Variants in CDSN observed in about 807,000 individuals in gnomAD.
The protein encoded by CDSN is S protein.
In CDSN, 11 loss-of-function variants were observed where a neutral mutation model predicts 25.6. That is an observed-to-expected ratio of 0.43 (90% confidence interval 0.27 to 0.71). CDSN has a LOEUF of 0.71. CDSN is among the 30% of genes least tolerant of loss of function. The pLI, the probability that CDSN is intolerant of heterozygous loss-of-function variation, is 0.20. For synonymous variants in CDSN, 266 were observed against 267.4 expected, an observed-to-expected ratio of 0.99 and a Z score of 0.05; for missense variants, 598 against 670.9, an observed-to-expected ratio of 0.89 and a Z score of 1.20.
In CDSN at chr6:31,120,391, C is replaced by G; in HGVS notation, c.29G>C (p.Gly10Ala). ...CATCATCCCGTGCCCACCCACACGC[C>G]CCATCCAGGGTGCCCGAGACGAGCC... MGSSRAPWM[G>A]RVGGHGMMAL... Residue 10 changes from glycine (G) to alanine (A), a missense_variant, in exon 1 of 2, where the codon GGG (glycine) becomes GCG (alanine). By Grantham distance (60) the Gly-to-Ala change is moderately conservative (BLOSUM62 0). Transcript: ENST00000376288. 6.3e-7 allele frequency: 1 copy of G among 1,593,668 alleles called. No homozygotes were observed. Among genetic ancestry groups the G allele is most frequent in the Non-Finnish European group, 8.5e-7 (1 of 1,170,816 alleles).
intron 1 of CDSN, chr6:31,118,925 C>G (rs1413181951): frequency 6.9e-6 from 1 of 145,036 alleles, no homozygotes; most frequent in Non-Finnish European, 1.5e-5. Context: ...TCACTGTAAC[C>G]TCTGCCTCCT....
At chr6:31,120,049 AC>A (rs1772372813) in intron 1 of CDSN, among the ~76,000 whole-genome samples, 1 of 152,214 alleles carries the variant, frequency 6.6e-6, no homozygotes, top group Non-Finnish European at 1.5e-5. Flanking sequence ...AATAAAAATC[AC>A]CACCACCATT....
chr6:31,116,067 A>C lies in CDSN; in HGVS notation c.1548T>G (p.Pro516=). Residue 516 remains proline (P), a synonymous_variant, in exon 2 of 2, where the codon CCT becomes CCG. Transcript: ENST00000376288. The part of the protein sequence containing the change: ...VKPLGPQLAD[P]EVFLPQGELL... ...ACTCTCCTTGGGGTAGGAAAACTTCAGGGTCAGCTAGCTGGGGCCCCAGAG... is the reference window on the plus strand; with the variant it reads ...ACTCTCCTTGGGGTAGGAAAACTTCCGGGTCAGCTAGCTGGGGCCCCAGAG... 1 of 1,612,098 alleles carries C rather than the reference A, an allele frequency of 6.2e-7. No homozygotes were observed. Among genetic ancestry groups the C allele is most frequent in the Non-Finnish European group, 8.5e-7 (1 of 1,179,804 alleles).
chr6:31,118,840 C>CTTTT (rs199861968), intron 1 of CDSN: 7 of 124,922 alleles, frequency 5.6e-5, no homozygotes, highest in Admixed American at 9.0e-5. Flanking sequence ...TTTTCTTCTT[C>CTTTT]TTCTTTTTTT....
At chr6:31,119,980 G>C (rs910960303) in intron 1 of CDSN, among the ~76,000 whole-genome samples, 17 of 152,010 alleles carry the variant, frequency 1.1e-4, no homozygotes, top group African/African-American at 1.9e-4. Context: ...ATATAAAAAG[G>C]CTCTAAAAAT....
In CDSN at chr6:31,117,176, G is replaced by A. The variant is rs755986034; in HGVS notation, c.439C>T (p.His147Tyr). ...SSSHSGNSGS[H>Y]SGSSSSHSSS... Reference sequence around the variant, plus strand: ...GAATGAGAGCTGCTGCTTCCCGAGTGAGAGCCGCTGTTTCCCGAGTGAGAG... The same window carrying A: ...GAATGAGAGCTGCTGCTTCCCGAGTAAGAGCCGCTGTTTCCCGAGTGAGAG... Residue 147 changes from histidine to tyrosine, a missense_variant, in exon 2 of 2, where the codon CAC becomes TAC. Transcript: ENST00000376288. 3 of 1,612,022 alleles carry A rather than the reference G, an allele frequency of 1.9e-6. No individual in the cohort carries two copies. Among genetic ancestry groups the A allele is most frequent in the Non-Finnish European group, 1.7e-6 (2 of 1,178,404 alleles).
Position 31,115,869 on chromosome 6 carries a change from C to A in CDSN, c.*156G>T. ...GGAGGAAGGGGTGATAAGAGAGAGT[C>A]TGCAACCTTGGGGTAGTGGAGAAAG... On this transcript the variant is annotated 3_prime_UTR_variant, in exon 2 of 2. Coordinates refer to ENST00000376288, the MANE Select transcript of CDSN (RefSeq NM_001264.5). The surrounding 1 kb of genome is among the most constrained non-coding windows in gnomAD (Gnocchi z 4.2). 1.5e-6 allele frequency: 1 copy of A among 647,644 alleles called. No individual in the cohort carries two copies. Among genetic ancestry groups the A allele is most frequent in the Non-Finnish European group, 2.8e-6 (1 of 362,332 alleles). The allele number at this position is 647,644 out of a possible 1,614,324, so 40.1% of individuals were successfully genotyped here. A position where few individuals can be genotyped will look rare whatever the true frequency, so the allele number is the denominator to read the frequency against.
rs909057443 is a variant in CDSN, at chr6:31,116,369, C to T, written c.1246G>A (p.Gly416Ser). 8.1e-6 allele frequency: 13 copies of T among 1,609,930 alleles called. No homozygotes were observed. The highest frequency in any genetic ancestry group is 2.7e-5 in the African/African-American group (2 of 74,780). The change falls in exon 2 of 2, where the codon GGC becomes AGC. Residue 416 changes from glycine (G) to serine (S), a missense_variant. Transcript: ENST00000376288. ...SSSGLPYHPC[G>S]SASQSPCSPP... is the part of the protein sequence containing the mutation. ...GAGCAGGGGCTCTGGGAAGCACTGCCGCAGGGATGGTAGGGTAAACCGGAG... is the reference window on the plus strand; with the variant it reads ...GAGCAGGGGCTCTGGGAAGCACTGCTGCAGGGATGGTAGGGTAAACCGGAG...
chr6:31,117,957 T>A lies in CDSN; in HGVS notation c.86-428A>T, dbSNP rs28360043. 1,494 of 179,840 alleles carry A rather than the reference T, an allele frequency of 8.3e-3. 15 individuals are homozygous for A. Among genetic ancestry groups the A allele is most frequent in the East Asian group, 0.024 (161 of 6,830 alleles). The allele number at this position is 179,840 out of a possible 1,614,324, so 11.1% of individuals were successfully genotyped here. A position where few individuals can be genotyped will look rare whatever the true frequency, so the allele number is the denominator to read the frequency against. On this transcript the variant is annotated intron_variant, in intron 1 of 1. Transcript: ENST00000376288. ...TTTGTTTTTTAATTAAAATTTTTTT[T>A]AAAAAGAAGAGGGAATGGAGAAGGG...
chr6:31,117,151 G>A lies in CDSN; in HGVS notation c.464C>T (p.Ser155Leu), dbSNP rs201863437. The change falls in exon 2 of 2, where the codon TCG becomes TTG. Residue 155 changes from serine to leucine, a missense_variant. Transcript: ENST00000376288. ...GSHSGSSSSH[S>L]SSSSSFQFSS... ...GAACTGAAAGCTGCTGCTGCTGCTC[G>A]AATGAGAGCTGCTGCTTCCCGAGTG... 32 of 1,607,120 alleles carry A rather than the reference G, an allele frequency of 2.0e-5. No individual in the cohort carries two copies. Among genetic ancestry groups the A allele is most frequent in the Middle Eastern group, 1.6e-4 (1 of 6,080 alleles).
intron 1 of CDSN, 128 bp from the exon 2 acceptor site, chr6:31,117,657 G>A: frequency 1.3e-6 from 1 of 768,684 alleles, no homozygotes; most frequent in Non-Finnish European, 2.2e-6. Flanking sequence ...TTTAGGGATG[G>A]AGAAAGGAGG....
Position 31,116,099 on chromosome 6 carries a change from C to T in CDSN, c.1516G>A (p.Val506Met), listed in dbSNP as rs140801967. 4.1e-5 allele frequency: 66 copies of T among 1,611,934 alleles called. No individual in the cohort carries two copies. In the African/African-American group the frequency reaches 6.9e-4, roughly 17 times the overall value. ...GCTAGCTGGGGCCCCAGAGGCTTCA[C>T]TTGGGCTAGGATATCCCGGATGGAG... ...CRSIRDILAQ[V>M]KPLGPQLADP... The change falls in exon 2 of 2, where the codon GTG becomes ATG. Residue 506 changes from valine (V) to methionine (M), a missense_variant. By Grantham distance (21) the Val-to-Met change is conservative (BLOSUM62 1). Transcript: ENST00000376288.
Position 31,116,383 on chromosome 6 carries a change from G to A in CDSN, c.1232C>T (p.Pro411Leu), listed in dbSNP as rs1772122140. Residue 411 changes from proline to leucine, a missense_variant, in exon 2 of 2, where the codon CCC becomes CTC. Pro to Leu is a moderately conservative substitution (Grantham distance 98). Transcript: ENST00000376288. ...GGAAGCACTGCCGCAGGGATGGTAG[G>A]GTAAACCGGAGCTGCTGGAAATGCT... is the stretch of plus-strand genomic sequence containing the variant. ...SSSISSSSGL[P>L]YHPCGSASQS... 6.2e-7 allele frequency: 1 copy of A among 1,606,506 alleles called. No homozygotes were observed. Among genetic ancestry groups the A allele is most frequent in the South Asian group, 1.1e-5 (1 of 90,180 alleles).
In CDSN at chr6:31,117,219, G is replaced by C; in HGVS notation, c.396C>G (p.Ser132=). 6.2e-7 allele frequency: 1 copy of C among 1,613,844 alleles called. No individual in the cohort carries two copies. ...GSSLQGASGS[S]QLGSSSSHSG... ...AGTGAGAGCTGCTGCTCCCCAGCTG[G>C]GAGGAACCGGATGCACCTTGTAGAC... Residue 132 remains serine (S), a synonymous_variant, in exon 2 of 2, where the codon TCC becomes TCG. Coordinates refer to ENST00000376288, the MANE Select transcript of CDSN (RefSeq NM_001264.5).
chr6:31,116,158 C>A lies in CDSN; in HGVS notation c.1457G>T (p.Cys486Phe). ...HPDPSAGAKP[C>F]GSSSAGKIPC... is the part of the protein sequence containing the mutation. ...GATCTTTCCAGCACTGCTGGAGCCA[C>A]AGGGCTTGGCACCAGCGGAGGGATC... Residue 486 changes from cysteine to phenylalanine, a missense_variant, in exon 2 of 2, where the codon TGT becomes TTT. Cys to Phe is a radical substitution (Grantham distance 205). Coordinates refer to ENST00000376288, the MANE Select transcript of CDSN (RefSeq NM_001264.5). 9 of 1,611,328 alleles carry A rather than the reference C, an allele frequency of 5.6e-6. No homozygotes were observed. The highest frequency in any genetic ancestry group is 7.6e-6 in the Non-Finnish European group (9 of 1,178,324).
At chr6:31,118,839 T>TTTTTTTTTTTTG (rs1772307069) in intron 1 of CDSN, 1 of 73,608 alleles carries the variant, frequency 1.4e-5, no homozygotes, top group African/African-American at 5.5e-5. Context: ...TTTTTCTTCT[T>TTTTTTTTTTTTG]CTTCTTTTTT....
chr6:31,115,642 C>T lies in CDSN; in HGVS notation c.*383G>A, dbSNP rs761514133. 8 of 265,600 alleles carry T rather than the reference C, an allele frequency of 3.0e-5. No individual in the cohort carries two copies. Among genetic ancestry groups the T allele is most frequent in the Non-Finnish European group, 5.0e-5 (7 of 139,636 alleles). 16.5% of individuals were successfully genotyped at this position (265,600 alleles called of 1,614,324 possible). ...AAGAGGAAGGTATAACTTCTTCAGGCGTCAGAGGTGCTCTGAGAGCATTTC... is the reference window on the plus strand; with the variant it reads ...AAGAGGAAGGTATAACTTCTTCAGGTGTCAGAGGTGCTCTGAGAGCATTTC... On this transcript the variant is annotated 3_prime_UTR_variant, in exon 2 of 2. Transcript: ENST00000376288. This position sits in a 1 kb window ranked among gnomAD's most constrained non-coding sequence, Gnocchi z 4.2.
At position 31,116,968 on chromosome 6, in the gene CDSN, C is replaced by T. The variant is rs960179629; in HGVS notation, c.647G>A (p.Arg216His). The change falls in exon 2 of 2, where the codon CGT becomes CAT. Residue 216 changes from arginine (R) to histidine (H), a missense_variant. By Grantham distance (29) the Arg-to-His change is conservative (BLOSUM62 0). Coordinates refer to ENST00000376288, the MANE Select transcript of CDSN (RefSeq NM_001264.5). ...GTCGGGGATGTCCGAACTACAGGGA[C>T]GCTGGTTGGAGCTGACGCTTTGGCC... ...SSGQSVSSNQ[R>H]PCSSDIPDSP... is the part of the protein sequence containing the mutation. 7 of 1,614,170 alleles carry T rather than the reference C, an allele frequency of 4.3e-6. No individual in the cohort carries two copies. Among genetic ancestry groups the T allele is most frequent in the South Asian group, 1.1e-5 (1 of 91,084 alleles).
chr6:31,119,276 T>G (rs1371865573), intron 1 of CDSN, among the ~76,000 whole-genome samples: 1 of 152,186 alleles, frequency 6.6e-6, no homozygotes, highest in Non-Finnish European at 1.5e-5. Context: ...ATTCTCTGCA[T>G]GCACCTCCAC....
Sources: gnomAD v4.1 joint callset for allele counts (sites outside exome capture counted in the v4.1 genomes callset) on GRCh38, gnomAD v4.1.1 for gene constraint, Gnocchi (gnomAD v3.1) non-coding constraint, MANE v1.5 for transcripts, NCBI Gene and HGNC (gene_info 2026-07-23, HGNC 2026-07-21) for gene names.